The following SH3GL3 variants were observed in gnomAD, a reference collection of about 807,000 sequenced individuals.
SH3GL3 encodes the protein endophilin-A3.
A neutral mutation model predicts 47.7 loss-of-function variants in SH3GL3; 33 were observed. The observed-to-expected ratio is 0.69, with a 90% CI of 0.52 to 0.92. The LOEUF (loss-of-function observed/expected upper bound fraction) is 0.92, where lower values mean the gene tolerates loss of function less well. Ranked by LOEUF, SH3GL3 falls within the 40% of genes least tolerant of loss-of-function variation. SH3GL3 has a pLI of 0.00. For missense variants in SH3GL3, 363 were observed against 417.8 expected, an observed-to-expected ratio of 0.87 and a Z score of 1.14; for synonymous variants, 155 against 148.8, an observed-to-expected ratio of 1.04 and a Z score of -0.30.
chr15:83,606,198 C>T lies in SH3GL3; in HGVS notation c.839-11884C>T, dbSNP rs368506939. On this transcript the variant is annotated intron_variant, in intron 8 of 8. Coordinates refer to ENST00000427482, the MANE Select transcript of SH3GL3 (RefSeq NM_003027.5). ...GTATTCCAAATGTGTGCTACAGGCA[C>T]ATCAGAGTGAGTTGAAATAAATCTC... Among the ~76,000 whole-genome samples the T allele has an allele frequency of 2.2e-4, 33 of 152,222 alleles. No individual in the cohort carries two copies. The East Asian group carries it at 3.3e-3, about 15-fold the overall frequency.
At chr15:83,523,139 A>T (rs945825813) in intron 1 of SH3GL3, among the ~76,000 whole-genome samples, 1 of 152,246 alleles carries the variant, frequency 6.6e-6, no homozygotes, top group African/African-American at 2.4e-5. Flanking sequence ...AGTTTTCACA[A>T]GAAGGAAAAG....
At chr15:83,577,027 C>T (rs894585692) in intron 6 of SH3GL3, among the ~76,000 whole-genome samples, 1 of 143,518 alleles carries the variant, frequency 7.0e-6, no homozygotes, top group East Asian at 2.0e-4. Flanking sequence ...TCTCATGCCT[C>T]AGCCTTCTGA....
chr15:83,616,236 T>C lies in SH3GL3; in HGVS notation c.839-1846T>C, dbSNP rs1245138673. On this transcript the variant is annotated intron_variant, in intron 8 of 8. Transcript: ENST00000427482. Reference sequence around the variant, plus strand: ...CAGGTTTTGCCACTAAAAGTAATGGTAAAAATTGTGATTGCTTTTTTTTTT... The same window carrying C: ...CAGGTTTTGCCACTAAAAGTAATGGCAAAAATTGTGATTGCTTTTTTTTTT... 6.2e-5 allele frequency among the ~76,000 whole-genome samples: 9 copies of C among 145,670 alleles called. No individual in the cohort carries two copies. The South Asian group carries it at 2.0e-3, about 32-fold the overall frequency.
intron 1 of SH3GL3, among the ~76,000 whole-genome samples, chr15:83,467,080 A>G (rs1012373525): frequency 1.1e-4 from 17 of 152,244 alleles, no homozygotes; most frequent in African/African-American, 3.9e-4. Context: ...TTCTCCACAT[A>G]TGGATCATAC....
chr15:83,458,977 G>A (rs781081064), intron 1 of SH3GL3, among the ~76,000 whole-genome samples: 1 of 152,230 alleles, frequency 6.6e-6, no homozygotes, highest in Non-Finnish European at 1.5e-5. Context: ...AAGGAAGCCA[G>A]ACTGAGTCCC....
intron 1 of SH3GL3, among the ~76,000 whole-genome samples, chr15:83,469,741 C>A (rs1197364717): frequency 6.6e-6 from 1 of 152,096 alleles, no homozygotes; most frequent in African/African-American, 2.4e-5. Context: ...TATGGTCTAT[C>A]TTGGTATATG....
intron 3 of SH3GL3, 137 bp downstream of exon 3, chr15:83,565,343 C>G: frequency 1.5e-6 from 1 of 663,618 alleles, no homozygotes; most frequent in Non-Finnish European, 2.7e-6. Flanking sequence ...AAAGCTGAGT[C>G]TCCAGTGACC....
chr15:83,502,439 G>A (rs2042334313), intron 1 of SH3GL3, among the ~76,000 whole-genome samples: 1 of 152,242 alleles, frequency 6.6e-6, no homozygotes, highest in Non-Finnish European at 1.5e-5. Flanking sequence ...GATTCAGCAT[G>A]TGTCTCCCAA....
At chr15:83,558,130 G>A (rs2045056676) in intron 1 of SH3GL3, among the ~76,000 whole-genome samples, 2 of 152,128 alleles carry the variant, frequency 1.3e-5, no homozygotes. Flanking sequence ...TTTTAAGGGC[G>A]TAGATTATGT....
chr15:83,460,259 C>A (rs2040228006), intron 1 of SH3GL3, among the ~76,000 whole-genome samples: 2 of 151,486 alleles, frequency 1.3e-5, no homozygotes, highest in South Asian at 2.1e-4. Context: ...TGCTGCCACA[C>A]CTGGCTTTGG....
intron 8 of SH3GL3, among the ~76,000 whole-genome samples, chr15:83,600,695 A>T (rs8041992): frequency 0.24 from 36,393 of 151,902 alleles, 4,565 homozygotes; most frequent in East Asian, 0.32. Context: ...TTTCATATGA[A>T]TTTTAGGATT....
intron 1 of SH3GL3, among the ~76,000 whole-genome samples, chr15:83,512,103 A>C (rs1363272024): frequency 6.6e-6 from 1 of 152,070 alleles, no homozygotes; most frequent in East Asian, 1.9e-4. Context: ...GGTCCTCTCA[A>C]GGGGGATAAA....
chr15:83,456,353 G>T (rs1275771117), intron 1 of SH3GL3, among the ~76,000 whole-genome samples: 1 of 26,450 alleles, frequency 3.8e-5, no homozygotes, highest in Non-Finnish European at 7.7e-5. Context: ...CGAGCTTCCC[G>T]GCTGCTTTGT....
chr15:83,526,674 G>C (rs1326463253), intron 1 of SH3GL3, among the ~76,000 whole-genome samples: 1 of 152,080 alleles, frequency 6.6e-6, no homozygotes, highest in East Asian at 1.9e-4. Context: ...AGGGTGGAGG[G>C]TTGAAGGAAG....
At chr15:83,557,973 A>G (rs1190807758) in intron 1 of SH3GL3, among the ~76,000 whole-genome samples, 1 of 152,024 alleles carries the variant, frequency 6.6e-6, no homozygotes, top group African/African-American at 2.4e-5. Context: ...GTAAAATACT[A>G]TCTCCACTTA....
intron 2 of SH3GL3, among the ~76,000 whole-genome samples, chr15:83,559,564 G>A (rs527372166): frequency 6.6e-6 from 1 of 152,300 alleles, no homozygotes; most frequent in South Asian, 2.1e-4. Flanking sequence ...ACCCTCTAGT[G>A]GCCAGAAGTC....
In SH3GL3 at chr15:83,517,773, G is replaced by A. The variant is rs2043046425; in HGVS notation, c.46-41480G>A. 2.6e-5 allele frequency among the ~76,000 whole-genome samples: 4 copies of A among 151,910 alleles called. No homozygotes were observed. In the South Asian group the frequency reaches 6.2e-4, roughly 24 times the overall value. On this transcript the variant is annotated intron_variant, in intron 1 of 8. Transcript: ENST00000427482. Reference sequence around the variant, plus strand: ...ATTTTAACCTTTAATTTAGATTCAGGGGGTACATGTGCAGGTTTTTTATAT... The same window carrying A: ...ATTTTAACCTTTAATTTAGATTCAGAGGGTACATGTGCAGGTTTTTTATAT...
At chr15:83,551,032 G>A (rs552785869) in intron 1 of SH3GL3, among the ~76,000 whole-genome samples, 1 of 152,178 alleles carries the variant, frequency 6.6e-6, no homozygotes. Flanking sequence ...ATATTTGCAC[G>A]AGAAGGCAGC....
intron 1 of SH3GL3, among the ~76,000 whole-genome samples, chr15:83,543,944 G>A (rs1228259505): frequency 3.3e-5 from 5 of 150,110 alleles, no homozygotes; most frequent in South Asian, 4.2e-4. Flanking sequence ...AATTTTGTTC[G>A]TCTTTTCAAA....
Sources: allele counts gnomAD v4.1 joint callset (sites outside exome capture counted in the v4.1 genomes callset), GRCh38; gene constraint gnomAD v4.1.1; transcripts MANE v1.5; gene names NCBI Gene and HGNC (gene_info 2026-07-23, HGNC 2026-07-21).